Variants in CSNK1G1 observed in about 807,000 individuals in gnomAD.
CSNK1G1 encodes the protein casein kinase I isoform gamma-1.
In CSNK1G1, 22 loss-of-function variants were observed where a neutral mutation model predicts 59.6. That is an observed-to-expected ratio of 0.37 (90% CI 0.26 to 0.53). CSNK1G1 has a LOEUF of 0.53. Ranked by LOEUF, CSNK1G1 falls within the 20% of genes least tolerant of loss-of-function variation. The pLI is 0.89. For synonymous variants in CSNK1G1, 179 were observed against 177.1 expected (o/e 1.01, Z -0.08); for missense variants, 384 against 519.5 (o/e 0.74, Z 2.54).
chr15:64,337,407 C>T (rs1003401634), intron 1 of CSNK1G1, among the ~76,000 whole-genome samples: 3 of 152,072 alleles, frequency 2.0e-5, no homozygotes, highest in East Asian at 1.9e-4. Context: ...GAAATGCAGT[C>T]GTACCATGAT....
intron 4 of CSNK1G1, among the ~76,000 whole-genome samples, chr15:64,238,516 AAAATATATAT>A (rs1199402181): frequency 2.2e-5 from 2 of 89,976 alleles, no homozygotes; most frequent in African/African-American, 5.5e-5. Context: ...AAAAAAAAAA[AAAATATATAT>A]ATATATATAT....
At chr15:64,181,255 G>A (rs1437041490) in intron 10 of CSNK1G1, 1 of 1,535,848 alleles carries the variant, frequency 6.5e-7, no homozygotes, top group Admixed American at 2.0e-5. Flanking sequence ...TGTAAGTGAA[G>A]GCTCTCACTC....
At chr15:64,244,251 A>C (rs1235580437) in intron 4 of CSNK1G1, among the ~76,000 whole-genome samples, 1 of 151,954 alleles carries the variant, frequency 6.6e-6, no homozygotes, top group African/African-American at 2.4e-5. Flanking sequence ...AAAATCAAGA[A>C]AGTAATTCCA....
chr15:64,226,333 AT>A (rs1156551452), intron 4 of CSNK1G1, among the ~76,000 whole-genome samples: 1 of 152,004 alleles, frequency 6.6e-6, no homozygotes, highest in Non-Finnish European at 1.5e-5. Context: ...GCCAAGGTGT[AT>A]GGATCACGAG....
In CSNK1G1 at chr15:64,210,769, C is replaced by T. The variant is rs2082239908; in HGVS notation, c.679+3121G>A. On this transcript the variant is annotated intron_variant, in intron 6 of 11. Coordinates refer to ENST00000303052, the MANE Select transcript of CSNK1G1 (RefSeq NM_022048.5). The surrounding 1 kb of genome is among the most constrained non-coding windows in gnomAD (Gnocchi z 4.2). ...TCTGGATTTCTGTCCTTCCCCCGGACCCCCCAACACACACAAACCTCACGT... is the reference window on the plus strand; with the variant it reads ...TCTGGATTTCTGTCCTTCCCCCGGATCCCCCAACACACACAAACCTCACGT... Among the ~76,000 whole-genome samples, 1 of 152,250 alleles carries T rather than the reference C, an allele frequency of 6.6e-6. No individual in the cohort carries two copies. Among genetic ancestry groups the T allele is most frequent in the East Asian group, 1.9e-4 (1 of 5,190 alleles).
intron 10 of CSNK1G1, among the ~76,000 whole-genome samples, chr15:64,194,580 C>A (rs112220010): frequency 2.1e-5 from 3 of 143,188 alleles, no homozygotes; most frequent in Non-Finnish European, 3.0e-5. Flanking sequence ...TGCAGTGGTG[C>A]GATCTCGGCT....
At chr15:64,267,130 G>GCA (rs1566926212) in intron 2 of CSNK1G1, among the ~76,000 whole-genome samples, 3 of 151,840 alleles carry the variant, frequency 2.0e-5, no homozygotes, top group African/African-American at 4.8e-5. Flanking sequence ...GGTGGTGCAC[G>GCA]CCTGTAATCC....
chr15:64,234,734 A>AT (rs1385911920), intron 4 of CSNK1G1, among the ~76,000 whole-genome samples: 3 of 151,934 alleles, frequency 2.0e-5, no homozygotes, highest in South Asian at 2.1e-4. Context: ...TTATATTGTC[A>AT]TTTTTTTTCT....
At chr15:64,181,432 T>G in intron 10 of CSNK1G1, 1 of 1,524,676 alleles carries the variant, frequency 6.6e-7, no homozygotes, top group Non-Finnish European at 8.8e-7. Flanking sequence ...AGACCTTGGC[T>G]GAAACATGGG....
In CSNK1G1 at chr15:64,331,576, A is replaced by G. The variant is rs1261542976; in HGVS notation, c.-225+24412T>C. On this transcript the variant is annotated intron_variant, in intron 1 of 11. Transcript: ENST00000303052. ...TTAGACCTAAAACCATAAAAACCCT[A>G]GAAGAAAACCTAGGCATTACCATTC... Among the ~76,000 whole-genome samples, 313 of 122,598 alleles carry G rather than the reference A, an allele frequency of 2.6e-3. 1 individual carries two copies. The highest frequency in any genetic ancestry group is 9.5e-3 in the African/African-American group (302 of 31,838). 80.4% of individuals were successfully genotyped at this position (122,598 alleles called of 152,430 possible). A position where few individuals can be genotyped will look rare whatever the true frequency, so the allele number is the denominator to read the frequency against.
intron 6 of CSNK1G1, among the ~76,000 whole-genome samples, 167 bp downstream of exon 6, chr15:64,213,723 T>C (rs1169667266): frequency 3.9e-5 from 6 of 152,386 alleles, no homozygotes; most frequent in Middle Eastern, 3.4e-3. Flanking sequence ...TATAGGATTC[T>C]TTGAAAAGTC....
rs79403543 is a variant in CSNK1G1, at chr15:64,252,510, C to G, written c.223-929G>C. Among the ~76,000 whole-genome samples the G allele has an allele frequency of 4.2e-4, 60 of 143,726 alleles. No homozygotes were observed. In the East Asian group the frequency reaches 7.4e-3, roughly 18 times the overall value. The allele number at this position is 143,726 out of a possible 152,430, so 94.3% of individuals were successfully genotyped here. ...TATAGGCATAAGCCACTGCACCTGG[C>G]TTATATTATTTTAATGGTTTGAGTA... On this transcript the variant is annotated intron_variant, in intron 3 of 11. Transcript: ENST00000303052.
At chr15:64,172,124 C>G in intron 11 of CSNK1G1, 139 bp from the exon 12 acceptor site, 1 of 733,268 alleles carries the variant, frequency 1.4e-6, no homozygotes, top group Non-Finnish European at 2.4e-6. Context: ...CTACAGTGCA[C>G]GCACTGGAGG....
chr15:64,198,729 T>TAA (rs61213062), intron 10 of CSNK1G1, among the ~76,000 whole-genome samples: 2 of 141,590 alleles, frequency 1.4e-5, no homozygotes, highest in Non-Finnish European at 1.6e-5. Context: ...CAAATTTTCT[T>TAA]AAAAAAAAAA....
At chr15:64,227,956 T>C (rs897244701) in intron 4 of CSNK1G1, among the ~76,000 whole-genome samples, 4 of 152,200 alleles carry the variant, frequency 2.6e-5, no homozygotes, top group Non-Finnish European at 4.4e-5. Context: ...CCAAACCCTA[T>C]GTCCTGCCCT....
chr15:64,282,714 A>C (rs1266491684), intron 2 of CSNK1G1, among the ~76,000 whole-genome samples: 1 of 152,144 alleles, frequency 6.6e-6, no homozygotes, highest in Non-Finnish European at 1.5e-5. Context: ...GGGTGCTGCC[A>C]CTTTTTGAGA....
chr15:64,216,330 T>G lies in CSNK1G1; in HGVS notation c.444+232A>C, dbSNP rs2082311363. Among the ~76,000 whole-genome samples, 1 of 152,230 alleles carries G rather than the reference T, an allele frequency of 6.6e-6. No individual in the cohort carries two copies. Among genetic ancestry groups the G allele is most frequent in the African/African-American group, 2.4e-5 (1 of 41,460 alleles). On this transcript the variant is annotated intron_variant, in intron 5 of 11. Coordinates refer to ENST00000303052, the MANE Select transcript of CSNK1G1 (RefSeq NM_022048.5). This position sits in a 1 kb window ranked among gnomAD's most constrained non-coding sequence, Gnocchi z 4.6. ...CTAAATTATATACTTCCTCTTCAGTTAAGGGCAGAGCATTGCTCCAAGGTG... is the reference window on the plus strand; with the variant it reads ...CTAAATTATATACTTCCTCTTCAGTGAAGGGCAGAGCATTGCTCCAAGGTG...
intron 1 of CSNK1G1, among the ~76,000 whole-genome samples, chr15:64,340,099 T>C (rs947045076): frequency 6.6e-6 from 1 of 152,252 alleles, no homozygotes; most frequent in Non-Finnish European, 1.5e-5. Flanking sequence ...AACTGAGTCC[T>C]AATTTAGTTT....
At chr15:64,352,447 C>CTTTTTTTTTTTTTTTTT (rs1165768581) in intron 1 of CSNK1G1, among the ~76,000 whole-genome samples, 3 of 89,410 alleles carry the variant, frequency 3.4e-5, no homozygotes, top group African/African-American at 1.3e-4. Flanking sequence ...TTGAATTCTT[C>CTTTTTTTTTTTTTTTTT]TTTTTTTTTT....
Sources: allele counts gnomAD v4.1 joint callset (sites outside exome capture counted in the v4.1 genomes callset), GRCh38; gene constraint gnomAD v4.1.1; non-coding constraint Gnocchi (gnomAD v3.1); transcripts MANE v1.5; gene names NCBI Gene and HGNC (gene_info 2026-07-23, HGNC 2026-07-21).